Variants in PTGER4 observed in about 807,000 individuals in gnomAD.
PTGER4 encodes prostaglandin E receptor 4, also known as prostaglandin E2 receptor EP4 subtype.
A neutral mutation model predicts 33.2 loss-of-function variants in PTGER4; 11 were observed. That is an observed-to-expected ratio of 0.33 (90% CI 0.21 to 0.55). The LOEUF (loss-of-function observed/expected upper bound fraction) is 0.55. PTGER4 is among the 20% of genes least tolerant of loss of function. PTGER4 has a pLI of 0.92. For missense variants in PTGER4, 481 were observed against 650.2 expected, an observed-to-expected ratio of 0.74 and a Z score of 2.83; for synonymous variants, 275 against 281.5, an observed-to-expected ratio of 0.98 and a Z score of 0.23.
At chr5:40,744,988 C>T in the PTGER4 span, among the ~76,000 whole-genome samples, 1 of 152,284 alleles carries the variant, frequency 6.6e-6, no homozygotes, top group Admixed American at 6.5e-5. Context: ...TCAATCTCTA[C>T]ACCTAACTTT....
chr5:40,713,436 G>A, the PTGER4 span, among the ~76,000 whole-genome samples: 1 of 152,120 alleles, frequency 6.6e-6, no homozygotes, highest in Non-Finnish European at 1.5e-5. Flanking sequence ...TTACCATACG[G>A]CATCAATTCA....
rs1343135347 is a variant in PTGER4, at chr5:40,692,526, TCAAA to T, written c.*152_*155del. On this transcript the variant is annotated 3_prime_UTR_variant, in exon 3 of 3. Transcript: ENST00000302472. The stretch of plus-strand genomic sequence containing the variant: ...GAACATCCTGGCTTTTGAGCACTTT[TCAAA>T]CAATCAAGTTGACTCACGTGGGTCC... 2.8e-6 allele frequency: 4 copies of T among 1,448,026 alleles called. No individual in the cohort carries two copies. Among genetic ancestry groups the T allele is most frequent in the Admixed American group, 5.5e-5 (2 of 36,562 alleles). 89.7% of individuals were successfully genotyped at this position (1,448,026 alleles called of 1,614,324 possible). A position where few individuals can be genotyped will look rare whatever the true frequency, so the allele number is the denominator to read the frequency against.
chr5:40,697,230 GAAAGAAAGAAAGAAAGAA>G (rs1741624560), downstream of PTGER4, among the ~76,000 whole-genome samples: 2 of 33,966 alleles, frequency 5.9e-5, no homozygotes, highest in Non-Finnish European at 1.3e-4. Flanking sequence ...AAGAAGAAAA[GAAAGAAAGAAAGAAAGAA>G]AGAAAGAAAG....
chr5:40,714,048 G>A, the PTGER4 span, among the ~76,000 whole-genome samples: 1 of 152,108 alleles, frequency 6.6e-6, no homozygotes, highest in Non-Finnish European at 1.5e-5. Context: ...GTAAGAAAGA[G>A]ACTAACTTGG....
At chr5:40,690,975 C>T (rs945002611) in intron 2 of PTGER4, among the ~76,000 whole-genome samples, 1 of 152,190 alleles carries the variant, frequency 6.6e-6, no homozygotes, top group Non-Finnish European at 1.5e-5. Flanking sequence ...TAAAGCTATA[C>T]GAACTCAGAA....
At chr5:40,684,749 C>T (rs1741285213) in intron 2 of PTGER4, among the ~76,000 whole-genome samples, 1 of 152,132 alleles carries the variant, frequency 6.6e-6, no homozygotes, top group African/African-American at 2.4e-5. Context: ...CTACAAGGAA[C>T]ATCACATGAC....
At chr5:40,703,791 T>C in the PTGER4 span, among the ~76,000 whole-genome samples, 1 of 151,278 alleles carries the variant, frequency 6.6e-6, no homozygotes, top group South Asian at 2.1e-4. Flanking sequence ...TAGTCTCAGC[T>C]ACTCAGGGGG....
the PTGER4 span, among the ~76,000 whole-genome samples, chr5:40,730,715 T>A: frequency 6.6e-6 from 1 of 152,132 alleles, no homozygotes; most frequent in African/African-American, 2.4e-5. Flanking sequence ...ATGAAATATA[T>A]GTAAAAATCC....
At chr5:40,706,834 G>A in the PTGER4 span, among the ~76,000 whole-genome samples, 1 of 152,156 alleles carries the variant, frequency 6.6e-6, no homozygotes, top group Non-Finnish European at 1.5e-5. Flanking sequence ...TGATCTCTCG[G>A]CAGAAACTCT....
chr5:40,739,993 G>A, the PTGER4 span, among the ~76,000 whole-genome samples: 2 of 151,138 alleles, frequency 1.3e-5, no homozygotes, highest in African/African-American at 2.4e-5. Context: ...ATCCATTATT[G>A]GCTTATAAGC....
intron 2 of PTGER4, among the ~76,000 whole-genome samples, chr5:40,684,521 A>G (rs1427221426): frequency 6.6e-6 from 1 of 152,212 alleles, no homozygotes; most frequent in East Asian, 1.9e-4. Flanking sequence ...GGGAAGAAAG[A>G]GCTACAGCTC....
chr5:40,704,681 C>G, the PTGER4 span, among the ~76,000 whole-genome samples: 3 of 152,160 alleles, frequency 2.0e-5, no homozygotes, highest in Admixed American at 6.5e-5. Context: ...TATACACCAA[C>G]AACAACCAAA....
At chr5:40,700,917 CAA>C in the PTGER4 span, among the ~76,000 whole-genome samples, 1 of 152,128 alleles carries the variant, frequency 6.6e-6, no homozygotes, top group Non-Finnish European at 1.5e-5. Context: ...ACTTCAACAC[CAA>C]AAATACCTCA....
chr5:40,691,466 C>T lies in PTGER4; in HGVS notation c.868-313C>T, dbSNP rs1741469549. On this transcript the variant is annotated intron_variant, in intron 2 of 2. Coordinates refer to ENST00000302472, the MANE Select transcript of PTGER4 (RefSeq NM_000958.3). This position sits in a 1 kb window ranked among gnomAD's most constrained non-coding sequence, Gnocchi z 4.2. The stretch of plus-strand genomic sequence containing the variant: ...AAATGCTGGGATTACAGGCGTGAGC[C>T]ACCGCACCCAGCCTAATGTTTGTAT... Among the ~76,000 whole-genome samples, 1 of 152,230 alleles carries T rather than the reference C, an allele frequency of 6.6e-6. No homozygotes were observed. The highest frequency in any genetic ancestry group is 2.4e-5 in the African/African-American group (1 of 41,464).
chr5:40,725,803 T>C, the PTGER4 span, among the ~76,000 whole-genome samples: 31 of 150,786 alleles, frequency 2.1e-4, no homozygotes, highest in African/African-American at 7.3e-4. Flanking sequence ...TTTTTTTTTT[T>C]TGAGACAGGT....
downstream of PTGER4, among the ~76,000 whole-genome samples, chr5:40,694,660 C>T (rs1487586840): frequency 6.6e-6 from 1 of 151,548 alleles, no homozygotes; most frequent in Non-Finnish European, 1.5e-5. Flanking sequence ...GGATTAGGGC[C>T]CCACCCTTAT....
chr5:40,743,731 G>A, the PTGER4 span, among the ~76,000 whole-genome samples: 7 of 152,172 alleles, frequency 4.6e-5, no homozygotes, highest in East Asian at 3.9e-4. Context: ...CCAAGATCGC[G>A]CCACTGCACT....
At chr5:40,695,043 A>AT (rs1461690353), downstream of PTGER4, among the ~76,000 whole-genome samples, 1 of 152,226 alleles carries the variant, frequency 6.6e-6, no homozygotes, top group East Asian at 1.9e-4. Context: ...TTTTAACACC[A>AT]TATTGTAATC....
chr5:40,713,564 T>A, the PTGER4 span, among the ~76,000 whole-genome samples: 52,086 of 151,960 alleles, frequency 0.34, 10,027 homozygotes, highest in Admixed American at 0.45. Context: ...GTAGTGTCTG[T>A]TAATATATTT....
Sources: allele counts gnomAD v4.1 joint callset (sites outside exome capture counted in the v4.1 genomes callset), GRCh38; gene constraint gnomAD v4.1.1; non-coding constraint Gnocchi (gnomAD v3.1); transcripts MANE v1.5; gene names NCBI Gene and HGNC (gene_info 2026-07-23, HGNC 2026-07-21).